PPFIA3: variants seen among roughly 807,000 people sequenced by gnomAD.
The protein encoded by PPFIA3 is liprin-alpha-3.
A neutral mutation model predicts 145.8 loss-of-function variants in PPFIA3; 26 were observed. That is an observed-to-expected ratio of 0.18 (90% CI 0.13 to 0.25). PPFIA3 has a LOEUF of 0.25. Among genes scored for constraint, PPFIA3 ranks in the 10% least tolerant of loss-of-function variants. The pLI, the probability that PPFIA3 is intolerant of heterozygous loss-of-function variation, is 1.00. For missense variants in PPFIA3, 1,008 were observed against 1,587.8 expected (o/e 0.63, Z 6.21); for synonymous variants, 645 against 661.4 (o/e 0.98, Z 0.38).
At position 49,149,363 on chromosome 19, in the gene PPFIA3, C is replaced by T. The variant is rs1427197642; in HGVS notation, c.3354+38C>T. The T allele has an allele frequency of 1.2e-6, 2 of 1,610,820 alleles. No homozygotes were observed. The highest frequency in any genetic ancestry group is 2.2e-5 in the East Asian group (1 of 44,842). On this transcript the variant is annotated intron_variant, in intron 27 of 29. Transcript: ENST00000334186. This position sits in a 1 kb window ranked among gnomAD's most constrained non-coding sequence, Gnocchi z 5.7. The stretch of plus-strand genomic sequence containing the variant: ...ACAGCTCAGAGGGCTCTGCTCCCAG[C>T]GGCTCCTCGAGAGGCTGAGCTGAGG...
chr19:49,133,454 GGAGC>G lies in PPFIA3; in HGVS notation c.1161+87_1161+90del, dbSNP rs1600334349. The G allele has an allele frequency of 6.9e-7, 1 of 1,446,222 alleles. No homozygotes were observed. Among genetic ancestry groups the G allele is most frequent in the East Asian group, 2.4e-5 (1 of 41,242 alleles). The allele number at this position is 1,446,222 out of a possible 1,614,324, so 89.6% of individuals were successfully genotyped here. On this transcript the variant is annotated intron_variant, in intron 9 of 29. Coordinates refer to ENST00000334186, the MANE Select transcript of PPFIA3 (RefSeq NM_003660.4). This position sits in a 1 kb window ranked among gnomAD's most constrained non-coding sequence, Gnocchi z 7.2. Reference sequence around the variant, plus strand: ...GCGGGGCCGTGAATCTGGAGGGGTAGGAGCGAGGTCAGAACCCCGGATTTGGGGG... The same window carrying G: ...GCGGGGCCGTGAATCTGGAGGGGTAGGAGGTCAGAACCCCGGATTTGGGGG...
At chr19:49,145,899 G>A (rs756527694) in intron 21 of PPFIA3, 44 bp from the exon 22 acceptor site, 2 of 1,577,034 alleles carry the variant, frequency 1.3e-6, no homozygotes, top group South Asian at 2.2e-5. Context: ...TCTCCCCCAC[G>A]CGAAGCCCTC....
At chr19:49,132,009 C>CA (rs34793375) in intron 7 of PPFIA3, among the ~76,000 whole-genome samples, 8,746 of 69,380 alleles carry the variant, frequency 0.13, 753 homozygotes, top group African/African-American at 0.25. Context: ...GACTCCGTCT[C>CA]AAAAAAAAAA....
chr19:49,149,743 C>G lies in PPFIA3; in HGVS notation c.3526+25C>G. ...GGTGGGGGGCTCCCAAATGCGACAGCCCTTCCTCGCTTCCCTAGGGTGGGG... is the reference window on the plus strand; with the variant it reads ...GGTGGGGGGCTCCCAAATGCGACAGGCCTTCCTCGCTTCCCTAGGGTGGGG... On this transcript the variant is annotated intron_variant, in intron 28 of 29. Transcript: ENST00000334186. The surrounding 1 kb of genome is among the most constrained non-coding windows in gnomAD (Gnocchi z 5.7). 1 of 1,581,702 alleles carries G rather than the reference C, an allele frequency of 6.3e-7. No homozygotes were observed. The highest frequency in any genetic ancestry group is 8.6e-7 in the Non-Finnish European group (1 of 1,165,794).
Position 49,122,562 on chromosome 19 carries a change from A to G in PPFIA3, c.-16+2840A>G, listed in dbSNP as rs148348349. On this transcript the variant is annotated intron_variant, in intron 1 of 29. Transcript: ENST00000334186. ...TCCATTCTCTTCCCAGGAGCAATCT[A>G]ACTTCTAAGATGTGTGTGTTCCAAG... is the stretch of plus-strand genomic sequence containing the variant. Among the ~76,000 whole-genome samples, 714 of 152,308 alleles carry G rather than the reference A, an allele frequency of 4.7e-3. 5 individuals are homozygous for G. Among genetic ancestry groups the G allele is most frequent in the African/African-American group, 0.017 (687 of 41,576 alleles).
At chr19:49,147,616 G>T (rs10409045) in intron 23 of PPFIA3, among the ~76,000 whole-genome samples, 99,323 of 151,412 alleles carry the variant, frequency 0.66, 34,142 homozygotes, top group African/African-American at 0.85. Context: ...AACCTGGGAT[G>T]GGGAGGTTGC....
intron 20 of PPFIA3, 98 bp downstream of exon 20, chr19:49,142,213 A>G (rs1006771789): frequency 4.2e-6 from 5 of 1,183,446 alleles, no homozygotes; most frequent in Non-Finnish European, 6.0e-6. Flanking sequence ...CCCTGCTTCT[A>G]GCCCAGAGGT....
rs751139832 is a variant in PPFIA3, at chr19:49,150,166, G to A, written c.*13+15G>A. On this transcript the variant is annotated intron_variant, in intron 29 of 29. Coordinates refer to ENST00000334186, the MANE Select transcript of PPFIA3 (RefSeq NM_003660.4). ...CAGGCCTCCAGGTGAGGACCGTGCT[G>A]GGCGACCTTGGGGGTGCGGGGCGGC... is the stretch of plus-strand genomic sequence containing the variant. 3.8e-6 allele frequency: 6 copies of A among 1,596,536 alleles called. No individual in the cohort carries two copies. The South Asian group carries it at 6.8e-5, about 18-fold the overall frequency.
At chr19:49,136,073 C>A in intron 14 of PPFIA3, 150 bp downstream of exon 14, 1 of 971,858 alleles carries the variant, frequency 1.0e-6, no homozygotes, top group Non-Finnish European at 1.4e-6. Context: ...CTCTCCTTCC[C>A]TGCAACCCTC....
chr19:49,139,851 A>G lies in PPFIA3; in HGVS notation c.2240+20A>G. ...GGGAAGGTCAGCAGGGACAAGGGAT[A>G]GGGACAGGGAGAAGCTGGCTTGGGA... On this transcript the variant is annotated intron_variant, in intron 17 of 29. Transcript: ENST00000334186. The G allele has an allele frequency of 4.3e-6, 7 of 1,609,646 alleles. No homozygotes were observed. Among genetic ancestry groups the G allele is most frequent in the Admixed American group, 1.7e-5 (1 of 59,822 alleles).
In PPFIA3 at chr19:49,130,262, C is replaced by A. The variant is rs2041052155; in HGVS notation, c.658-116C>A. 5 of 1,221,104 alleles carry A rather than the reference C, an allele frequency of 4.1e-6. No individual in the cohort carries two copies. In the South Asian group the frequency reaches 6.1e-5, roughly 15 times the overall value. The allele number at this position is 1,221,104 out of a possible 1,614,324, so 75.6% of individuals were successfully genotyped here. On this transcript the variant is annotated intron_variant, in intron 6 of 29. Coordinates refer to ENST00000334186, the MANE Select transcript of PPFIA3 (RefSeq NM_003660.4). This position sits in a 1 kb window ranked among gnomAD's most constrained non-coding sequence, Gnocchi z 4.5. ...CTTCACTGACCCCCGTGGACTCTGA[C>A]CAGCATGATCCTTATTGATCTTTGA...
In PPFIA3 at chr19:49,149,036, C is replaced by A; in HGVS notation, c.3153C>A (p.Ser1051=). Residue 1051 remains serine, a synonymous_variant, in exon 26 of 30, where the codon TCC becomes TCA. Transcript: ENST00000334186. The surrounding 1 kb of genome is among the most constrained non-coding windows in gnomAD (Gnocchi z 5.7). ...WSNERVMGWV[S]GLGLKEFATN... ...ATGAGCGGGTCATGGGTTGGGTGTC[C>A]GGGCTGGGCCTGAAGGAATTTGCCA... 7 of 1,614,066 alleles carry A rather than the reference C, an allele frequency of 4.3e-6. No individual in the cohort carries two copies. The highest frequency in any genetic ancestry group is 5.9e-6 in the Non-Finnish European group (7 of 1,180,010).
At position 49,149,857 on chromosome 19, in the gene PPFIA3, T is replaced by C; in HGVS notation, c.3526+139T>C. ...AATGGACTGCTCCAACGTTCCGGAC[T>C]CCCCCGTCAGGATGAAATGGATAAA... On this transcript the variant is annotated intron_variant, in intron 28 of 29. Transcript: ENST00000334186. This position sits in a 1 kb window ranked among gnomAD's most constrained non-coding sequence, Gnocchi z 5.7. 8.3e-7 allele frequency: 1 copy of C among 1,207,268 alleles called. No individual in the cohort carries two copies. The highest frequency in any genetic ancestry group is 1.1e-6 in the Non-Finnish European group (1 of 882,446). 74.8% of individuals were successfully genotyped at this position (1,207,268 alleles called of 1,614,324 possible).
chr19:49,129,037 T>C (rs777717388), intron 4 of PPFIA3, 25 bp downstream of exon 4: 9 of 1,557,244 alleles, frequency 5.8e-6, no homozygotes, highest in Non-Finnish European at 7.8e-6. Flanking sequence ...AGAGCAGGGG[T>C]GGAGAATGGA....
At position 49,120,006 on chromosome 19, in the gene PPFIA3, C is replaced by CCTTCCTGA. The variant is rs1283957769; in HGVS notation, c.-16+286_-16+293dup. On this transcript the variant is annotated intron_variant, in intron 1 of 29. Coordinates refer to ENST00000334186, the MANE Select transcript of PPFIA3 (RefSeq NM_003660.4). This position sits in a 1 kb window ranked among gnomAD's most constrained non-coding sequence, Gnocchi z 4.6. ...GGACCCCTCCTAGAGCCTAGATCCCCCTTCCTGACCCTGTCCTGGGAGCTC... is the reference window on the plus strand; with the variant it reads ...GGACCCCTCCTAGAGCCTAGATCCCCCTTCCTGACTTCCTGACCCTGTCCTGGGAGCTC... Among the ~76,000 whole-genome samples the CCTTCCTGA allele has an allele frequency of 3.3e-5, 5 of 152,030 alleles. No homozygotes were observed. Among genetic ancestry groups the CCTTCCTGA allele is most frequent in the Non-Finnish European group, 7.4e-5 (5 of 67,958 alleles).
chr19:49,141,571 G>C, intron 19 of PPFIA3, 58 bp downstream of exon 19: 1 of 1,393,762 alleles, frequency 7.2e-7, no homozygotes, highest in Non-Finnish European at 9.9e-7. Context: ...AGTGTGTGAG[G>C]GTGTGTGTGT....
rs1312995146 is a variant in PPFIA3, at chr19:49,128,217, G to A, written c.240+104G>A. ...GCGCCTGGAAGGGAGGAGTCTGGGC[G>A]AGGCTTGCCGTTAATGGGCGGGGCC... On this transcript the variant is annotated intron_variant, in intron 2 of 29. Coordinates refer to ENST00000334186, the MANE Select transcript of PPFIA3 (RefSeq NM_003660.4). The surrounding 1 kb of genome is among the most constrained non-coding windows in gnomAD (Gnocchi z 4.1). 1.8e-5 allele frequency: 26 copies of A among 1,482,482 alleles called. No individual in the cohort carries two copies. Among genetic ancestry groups the A allele is most frequent in the Non-Finnish European group, 2.4e-5 (26 of 1,103,452 alleles). The allele number at this position is 1,482,482 out of a possible 1,614,324, so 91.8% of individuals were successfully genotyped here.
chr19:49,124,328 G>A (rs1055612053), intron 1 of PPFIA3, among the ~76,000 whole-genome samples: 9 of 151,916 alleles, frequency 5.9e-5, no homozygotes, highest in African/African-American at 1.9e-4. Context: ...CATAGTGCTG[G>A]GATTACAGGC....
At chr19:49,122,752 C>T (rs1223459555) in intron 1 of PPFIA3, among the ~76,000 whole-genome samples, 12 of 138,586 alleles carry the variant, frequency 8.7e-5, no homozygotes, top group Non-Finnish European at 3.1e-5. Flanking sequence ...GATGGAGTCT[C>T]ACTCTGTCTC....
Sources: gnomAD v4.1 joint callset for allele counts (sites outside exome capture counted in the v4.1 genomes callset) on GRCh38, gnomAD v4.1.1 for gene constraint, Gnocchi (gnomAD v3.1) non-coding constraint, MANE v1.5 for transcripts, NCBI Gene and HGNC (gene_info 2026-07-23, HGNC 2026-07-21) for gene names.